The following KIAA1217 variants were observed in gnomAD, a reference collection of about 807,000 sequenced individuals.
KIAA1217 encodes sickle tail protein homolog.
A neutral mutation model predicts 163.9 loss-of-function variants in KIAA1217; 88 were observed. The observed-to-expected ratio is 0.54, with a 90% CI of 0.45 to 0.64. The LOEUF is 0.64. Ranked by LOEUF, KIAA1217 falls within the 30% of genes least tolerant of loss-of-function variation. KIAA1217 has a pLI of 0.00. For missense variants in KIAA1217, 2,372 were observed against 2,475.0 expected, an observed-to-expected ratio of 0.96 and a Z score of 0.88; for synonymous variants, 903 against 923.1, an observed-to-expected ratio of 0.98 and a Z score of 0.39.
At chr10:23,747,201 G>C (rs999627259) in intron 1 of KIAA1217, among the ~76,000 whole-genome samples, 1 of 152,148 alleles carries the variant, frequency 6.6e-6, no homozygotes, top group South Asian at 2.1e-4. Flanking sequence ...GAGGAAACTA[G>C]CTAGAAACAA....
intron 1 of KIAA1217, among the ~76,000 whole-genome samples, chr10:23,942,687 C>T (rs896473453): frequency 5.9e-5 from 9 of 151,964 alleles, no homozygotes; most frequent in African/African-American, 1.5e-4. Flanking sequence ...ATGTCAAACA[C>T]AAAATTCTGA....
intron 1 of KIAA1217, among the ~76,000 whole-genome samples, chr10:23,848,196 G>T (rs1479337357): frequency 6.6e-6 from 1 of 152,024 alleles, no homozygotes; most frequent in African/African-American, 2.4e-5. Context: ...CTGTTGATTT[G>T]GGATGGACGG....
intron 1 of KIAA1217, among the ~76,000 whole-genome samples, chr10:23,862,238 T>C (rs890605317): frequency 1.6e-4 from 24 of 152,284 alleles, no homozygotes; most frequent in African/African-American, 5.3e-4. Context: ...GCTGTGATTT[T>C]GCCCCAGTAT....
In KIAA1217 at chr10:24,366,168, G is replaced by C. The variant is rs924328526; in HGVS notation, c.355-14701G>C. On this transcript the variant is annotated intron_variant, in intron 2 of 20. Coordinates refer to ENST00000376454, the MANE Select transcript of KIAA1217 (RefSeq NM_019590.5). Reference sequence around the variant, plus strand: ...AGTTAAGTTGCTCAAAAATGAGTCGGATGCAGTGGCTCACAAATGTAATTC... The same window carrying C: ...AGTTAAGTTGCTCAAAAATGAGTCGCATGCAGTGGCTCACAAATGTAATTC... 2.6e-5 allele frequency among the ~76,000 whole-genome samples: 4 copies of C among 152,274 alleles called. No individual in the cohort carries two copies. In the East Asian group the frequency reaches 5.8e-4, roughly 22 times the overall value.
Position 24,542,748 on chromosome 10 carries a change from G to A in KIAA1217, c.3590G>A (p.Gly1197Asp). 1 of 1,614,056 alleles carries A rather than the reference G, an allele frequency of 6.2e-7. No individual in the cohort carries two copies. The highest frequency in any genetic ancestry group is 1.3e-5 in the African/African-American group (1 of 75,006). ...VRKSDVEYEN[G>D]PQMEFQKVTT... ...AAATCTGATGTTGAATATGAAAATG[G>A]CCCCCAAATGGAATTCCAAAAGGTG... The change falls in exon 18 of 21, where the codon GGC (glycine) becomes GAC (aspartate). Residue 1197 changes from glycine to aspartate, a missense_variant. Physicochemically the swap from Gly to Asp is moderately conservative, Grantham distance 94. Transcript: ENST00000376454.
chr10:24,279,669 C>G (rs2077692890), intron 2 of KIAA1217, among the ~76,000 whole-genome samples: 1 of 152,086 alleles, frequency 6.6e-6, no homozygotes, highest in Admixed American at 6.6e-5. Context: ...CATTATGAAT[C>G]TGGGATTTAT....
intron 1 of KIAA1217, among the ~76,000 whole-genome samples, chr10:24,217,385 TAGA>T (rs2068972214): frequency 6.6e-6 from 1 of 152,166 alleles, no homozygotes; most frequent in African/African-American, 2.4e-5. Context: ...TAATGAAAAG[TAGA>T]AGAATTGACT....
At chr10:23,697,822 A>C (rs1836146283) in intron 1 of KIAA1217, among the ~76,000 whole-genome samples, 1 of 151,860 alleles carries the variant, frequency 6.6e-6, no homozygotes, top group Admixed American at 6.6e-5. Context: ...GGCTGCAGTG[A>C]GCTGAGATCG....
chr10:24,332,255 G>C (rs1244324394), intron 2 of KIAA1217, among the ~76,000 whole-genome samples: 1 of 152,224 alleles, frequency 6.6e-6, no homozygotes, highest in Non-Finnish European at 1.5e-5. Flanking sequence ...AAAATCTGTA[G>C]ACACCCATGT....
intron 1 of KIAA1217, among the ~76,000 whole-genome samples, chr10:24,002,940 A>G (rs1293998999): frequency 6.6e-6 from 1 of 152,192 alleles, no homozygotes; most frequent in Admixed American, 6.5e-5. Flanking sequence ...ACTTGGAATA[A>G]TGGTGTCCAA....
At chr10:24,230,344 C>T (rs187861274) in intron 2 of KIAA1217, among the ~76,000 whole-genome samples, 134 of 151,936 alleles carry the variant, frequency 8.8e-4, no homozygotes, top group Non-Finnish European at 1.7e-3. Flanking sequence ...ATCTGAAATC[C>T]GAAATGCTCC....
At chr10:23,909,916 C>A (rs1036122706) in intron 1 of KIAA1217, among the ~76,000 whole-genome samples, 38 of 152,130 alleles carry the variant, frequency 2.5e-4, no homozygotes, top group Non-Finnish European at 1.3e-4. Flanking sequence ...CCACCAACAG[C>A]GTAAAAGCAT....
intron 1 of KIAA1217, among the ~76,000 whole-genome samples, chr10:23,754,499 T>A (rs759266919): frequency 5.9e-5 from 9 of 152,224 alleles, no homozygotes; most frequent in Non-Finnish European, 1.2e-4. Flanking sequence ...AGAAAATCTC[T>A]TCTTTCTTTT....
chr10:23,699,078 G>A (rs1304297125), intron 1 of KIAA1217, among the ~76,000 whole-genome samples: 6 of 152,228 alleles, frequency 3.9e-5, no homozygotes, highest in Non-Finnish European at 5.9e-5. Flanking sequence ...GGCTCACACC[G>A]TCCAGTTGCT....
intron 1 of KIAA1217, among the ~76,000 whole-genome samples, chr10:23,775,747 A>G (rs1834983116): frequency 6.6e-6 from 1 of 152,228 alleles, no homozygotes; most frequent in African/African-American, 2.4e-5. Flanking sequence ...CTTCTGGGTA[A>G]TTAAATTCAT....
intron 2 of KIAA1217, among the ~76,000 whole-genome samples, chr10:24,258,424 G>A (rs975902288): frequency 6.6e-6 from 1 of 152,084 alleles, no homozygotes; most frequent in Admixed American, 6.6e-5. Flanking sequence ...GTGACTGTGA[G>A]AGAACAAATG....
At chr10:24,208,962 G>T, upstream of KIAA1217, 1 of 440,194 alleles carries the variant, frequency 2.3e-6, no homozygotes, top group East Asian at 4.4e-5. Flanking sequence ...CGGACGGACA[G>T]ACCTAGGGAC....
At chr10:24,536,485 G>C (rs936387146) in intron 16 of KIAA1217, among the ~76,000 whole-genome samples, 4 of 152,094 alleles carry the variant, frequency 2.6e-5, no homozygotes, top group African/African-American at 9.7e-5. Context: ...GCCCTCCTAA[G>C]TACCAATTTA....
intron 1 of KIAA1217, among the ~76,000 whole-genome samples, chr10:23,846,997 T>C (rs2131083427): frequency 6.6e-6 from 1 of 152,258 alleles, no homozygotes; most frequent in South Asian, 2.1e-4. Flanking sequence ...GATAATCATG[T>C]GGTTTTTGTC....
Sources: allele counts gnomAD v4.1 joint callset (sites outside exome capture counted in the v4.1 genomes callset), GRCh38; gene constraint gnomAD v4.1.1; transcripts MANE v1.5; gene names NCBI Gene and HGNC (gene_info 2026-07-23, HGNC 2026-07-21).